The following ATP11C variants were observed in gnomAD, a reference collection of about 807,000 sequenced individuals.
ATP11C encodes ATPase phospholipid transporting 11C (ATP11C blood group).
In ATP11C, 36 loss-of-function variants were observed where a neutral mutation model predicts 97.4. That is an observed-to-expected ratio of 0.37 (90% CI 0.28 to 0.49). The LOEUF is 0.49. ATP11C is among the 20% of genes least tolerant of loss of function. ATP11C has a pLI of 0.98. For missense variants in ATP11C, 730 were observed against 824.6 expected (o/e 0.89, Z 1.40); for synonymous variants, 275 against 290.9 (o/e 0.95, Z 0.56).
At chrX:139,832,802 T>TA (rs774019196) in intron 1 of ATP11C, among the ~76,000 whole-genome samples, 82 of 112,127 alleles carry the variant, frequency 7.3e-4, no homozygotes, top group Non-Finnish European at 1.2e-3. Context: ...AAAGGTCCCT[T>TA]AGGGATGGAA....
At chrX:139,771,920 A>G (rs2082261369) in intron 19 of ATP11C, among the ~76,000 whole-genome samples, 1 of 112,511 alleles carries the variant, frequency 8.9e-6, no homozygotes, top group South Asian at 3.7e-4. Flanking sequence ...GAAGAAATTC[A>G]TGCCAGCTGC....
Position 139,796,368 on chromosome X carries a change from A to G in ATP11C, c.1111T>C (p.Ser371Pro). The G allele has an allele frequency of 8.3e-7, 1 of 1,204,468 alleles. No homozygotes were observed. Among genetic ancestry groups the G allele is most frequent in the Non-Finnish European group, 1.1e-6 (1 of 889,170 alleles). Residue 371 changes from serine to proline, a missense_variant, in exon 12 of 30, where the codon TCC (serine) becomes CCC (proline). Coordinates refer to ENST00000682941, the MANE Select transcript of ATP11C (RefSeq NM_001353812.2). The part of the protein sequence containing the change: ...VTVEMQKFLG[S>P]FFISWDKDFY... ...TCCTTATCCCATGAGATGAAGAAGG[A>G]GCCCAAGAATTTCTGCATTTCTACT...
chrX:139,797,440 C>T, intron 10 of ATP11C, 114 bp from the exon 11 acceptor site: 1 of 504,795 alleles, frequency 2.0e-6, no homozygotes, highest in Non-Finnish European at 3.0e-6. Flanking sequence ...CAGCACAAGC[C>T]TTTGTGTATT....
intron 1 of ATP11C, among the ~76,000 whole-genome samples, chrX:139,925,319 CTT>C (rs1698328109): frequency 9.0e-6 from 1 of 111,706 alleles, no homozygotes; most frequent in African/African-American, 3.3e-5. Context: ...GAGTTTTGCT[CTT>C]GTTGCCCAGG....
chrX:139,861,698 A>T (rs2084199146), intron 1 of ATP11C, among the ~76,000 whole-genome samples: 1 of 110,564 alleles, frequency 9.0e-6, no homozygotes, highest in South Asian at 3.9e-4. Flanking sequence ...CTGCATACCT[A>T]ACACAGTATT....
At chrX:139,881,188 C>G (rs182766298) in intron 1 of ATP11C, among the ~76,000 whole-genome samples, 3 of 111,503 alleles carry the variant, frequency 2.7e-5, no homozygotes, top group African/African-American at 9.8e-5. Context: ...TCACAGCAAG[C>G]CCATGAGGTA....
chrX:139,820,056 G>A (rs1374093980), intron 2 of ATP11C, among the ~76,000 whole-genome samples: 2 of 111,211 alleles, frequency 1.8e-5, no homozygotes, highest in African/African-American at 6.6e-5. Flanking sequence ...GTGTGGTGAC[G>A]CACACTGTAA....
intron 1 of ATP11C, among the ~76,000 whole-genome samples, chrX:139,878,375 C>T (rs2497266): frequency 0.18 from 20,374 of 111,463 alleles, 3,114 homozygotes; most frequent in African/African-American, 0.5. Flanking sequence ...ATATTTATCA[C>T]ACAAAGTTAG....
intron 7 of ATP11C, among the ~76,000 whole-genome samples, chrX:139,800,944 T>C (rs1310949850): frequency 8.9e-6 from 1 of 112,186 alleles, no homozygotes; most frequent in Non-Finnish European, 1.9e-5. Context: ...TACTAAGTGC[T>C]GAAGATGTAC....
chrX:139,906,599 T>A (rs1272208640), intron 1 of ATP11C, among the ~76,000 whole-genome samples: 1 of 109,153 alleles, frequency 9.2e-6, no homozygotes, highest in Non-Finnish European at 1.9e-5. Flanking sequence ...CTGGCCAAGA[T>A]GGTAAAACCC....
upstream of ATP11C, among the ~76,000 whole-genome samples, chrX:139,933,285 C>T (rs2085476426): frequency 1.0e-5 from 1 of 97,467 alleles, no homozygotes; most frequent in African/African-American, 3.8e-5. Context: ...TTCTCCACGC[C>T]GGCCGGCTGG....
intron 1 of ATP11C, among the ~76,000 whole-genome samples, chrX:139,904,637 G>A (rs180903956): frequency 2.7e-5 from 3 of 112,054 alleles, no homozygotes; most frequent in Non-Finnish European, 3.8e-5. Context: ...AGGTACATAA[G>A]AGAAGTACAA....
chrX:139,884,560 C>T (rs930598873), intron 1 of ATP11C, among the ~76,000 whole-genome samples: 7 of 111,778 alleles, frequency 6.3e-5, no homozygotes, highest in African/African-American at 1.9e-4. Flanking sequence ...TGGCCTCAGG[C>T]AATCCTCCCT....
chrX:139,734,715 T>C (rs1310448718), intron 28 of ATP11C, among the ~76,000 whole-genome samples: 2 of 111,528 alleles, frequency 1.8e-5, no homozygotes, highest in Non-Finnish European at 3.8e-5. Flanking sequence ...TCAACAGCAT[T>C]GCTATGCAGC....
intron 20 of ATP11C, among the ~76,000 whole-genome samples, chrX:139,766,575 T>C (rs2082139586): frequency 9.0e-6 from 1 of 111,072 alleles, no homozygotes; most frequent in South Asian, 3.8e-4. Flanking sequence ...ATGCCTCAAA[T>C]ATGATGGGCG....
intron 19 of ATP11C, 60 bp from the exon 20 acceptor site, chrX:139,768,494 AT>A (rs1244905140): frequency 1.9e-3 from 1,605 of 852,042 alleles, no homozygotes; most frequent in Middle Eastern, 3.0e-3. Flanking sequence ...TAGGATCCAG[AT>A]TTTTTTTTTA....
chrX:139,863,761 T>C (rs1297915217), intron 1 of ATP11C, among the ~76,000 whole-genome samples: 1 of 111,030 alleles, frequency 9.0e-6, no homozygotes, highest in Non-Finnish European at 1.9e-5. Context: ...AAATATTTTT[T>C]AAGAATCAAG....
intron 2 of ATP11C, among the ~76,000 whole-genome samples, chrX:139,822,199 T>A (rs1202761036): frequency 8.9e-6 from 1 of 111,825 alleles, no homozygotes. Context: ...CAGTAAATAG[T>A]ATTTATTTAT....
Position 139,728,107 on chromosome X carries a change from A to T in ATP11C, c.*859T>A, listed in dbSNP as rs749949366. 1 of 112,197 alleles carries T rather than the reference A, an allele frequency of 8.9e-6. No individual in the cohort carries two copies. The highest frequency in any genetic ancestry group is 2.8e-4 in the East Asian group (1 of 3,576). 9.2% of individuals were successfully genotyped at this position (112,197 alleles called of 1,213,427 possible). On this transcript the variant is annotated 3_prime_UTR_variant, in exon 30 of 30. Coordinates refer to ENST00000682941, the MANE Select transcript of ATP11C (RefSeq NM_001353812.2). ...GAATGACCTTTATTTTTATATAACT[A>T]TGGTTTAAACCACCTTACTGCAGAT...
Sources: allele counts gnomAD v4.1 joint callset (sites outside exome capture counted in the v4.1 genomes callset), GRCh38; gene constraint gnomAD v4.1.1; transcripts MANE v1.5; gene names NCBI Gene and HGNC (gene_info 2026-07-23, HGNC 2026-07-21).